The following MYOT variants were observed in gnomAD, a reference collection of about 807,000 sequenced individuals.
MYOT encodes 57 kDa cytoskeletal protein.
MYOT carries 36 observed loss-of-function variants against 58.0 expected under a neutral mutation model. That is an observed-to-expected ratio of 0.62 (90% CI 0.48 to 0.82). The LOEUF is 0.82. MYOT is among the 40% of genes least tolerant of loss of function. The pLI, the probability that MYOT is intolerant of heterozygous loss-of-function variation, is 0.00. For missense variants in MYOT, 505 were observed against 592.1 expected, an observed-to-expected ratio of 0.85 and a Z score of 1.53; for synonymous variants, 218 against 204.6, an observed-to-expected ratio of 1.07 and a Z score of -0.56.
At chr5:137,883,730 T>C in intron 7 of MYOT, 139 bp downstream of exon 7, 1 of 736,282 alleles carries the variant, frequency 1.4e-6, no homozygotes, top group South Asian at 1.7e-5. Context: ...TCCATTTTTA[T>C]CTACAAACCA....
intron 4 of MYOT, among the ~76,000 whole-genome samples, chr5:137,878,606 C>T (rs896025368): frequency 6.6e-6 from 1 of 151,990 alleles, no homozygotes; most frequent in Non-Finnish European, 1.5e-5. Context: ...GGGTGGATCA[C>T]GAGGTCAAGA....
intron 2 of MYOT, 108 bp downstream of exon 2, chr5:137,871,115 A>G: frequency 1.1e-6 from 1 of 941,852 alleles, no homozygotes; most frequent in Non-Finnish European, 1.7e-6. Flanking sequence ...ACTATCTAAA[A>G]AGGCAATGTG....
At chr5:137,883,343 T>G in intron 6 of MYOT, 41 bp from the exon 7 acceptor site, 1 of 1,515,502 alleles carries the variant, frequency 6.6e-7, no homozygotes, top group South Asian at 1.1e-5. Context: ...AGTGATGCAA[T>G]ACTTTAAAAT....
Position 137,873,218 on chromosome 5 carries a change from A to AT in MYOT, c.356+2216dup, listed in dbSNP as rs201172691. ...TGACTTATAAAGATGATAAGCTAGC[A>AT]TTTTTAAAAAAAAAAAAAACAGTAG... On this transcript the variant is annotated intron_variant, in intron 2 of 9. Transcript: ENST00000239926. Among the ~76,000 whole-genome samples, 160 of 136,270 alleles carry AT rather than the reference A, an allele frequency of 1.2e-3. 1 individual carries two copies. Among genetic ancestry groups the AT allele is most frequent in the South Asian group, 0.01 (36 of 3,582 alleles). 89.4% of individuals were successfully genotyped at this position (136,270 alleles called of 152,430 possible).
In MYOT at chr5:137,870,647, T is replaced by A; in HGVS notation, c.-5T>A. On this transcript the variant is annotated 5_prime_UTR_variant, in exon 2 of 10. Coordinates refer to ENST00000239926, the MANE Select transcript of MYOT (RefSeq NM_006790.3). ...TTGCCTTCATCTTCCATATACCAAC[T>A]AAGCATGTTTAACTACGAACGTCCA... The A allele has an allele frequency of 6.2e-7, 1 of 1,612,464 alleles. No homozygotes were observed. Among genetic ancestry groups the A allele is most frequent in the Non-Finnish European group, 8.5e-7 (1 of 1,178,498 alleles).
At chr5:137,883,285 A>G (rs2149987833) in intron 6 of MYOT, 99 bp from the exon 7 acceptor site, 1 of 1,006,046 alleles carries the variant, frequency 9.9e-7, no homozygotes, top group South Asian at 1.3e-5. Context: ...TCGCAAACCC[A>G]CTCAGATACG....
intron 6 of MYOT, 78 bp from the exon 7 acceptor site, chr5:137,883,306 A>T: frequency 8.1e-7 from 1 of 1,240,552 alleles, no homozygotes; most frequent in Non-Finnish European, 1.2e-6. Context: ...GGAACTGTTT[A>T]AATTCATATA....
At chr5:137,874,282 C>G (rs1755139072) in intron 2 of MYOT, among the ~76,000 whole-genome samples, 2 of 152,134 alleles carry the variant, frequency 1.3e-5, no homozygotes, top group Non-Finnish European at 2.9e-5. Context: ...GCCTGGCCAA[C>G]ATGGCAAAAC....
In MYOT at chr5:137,875,874, C is replaced by T. The variant is rs1483304644; in HGVS notation, c.402C>T (p.Ser134=). 2 of 1,613,892 alleles carry T rather than the reference C, an allele frequency of 1.2e-6. No homozygotes were observed. Among genetic ancestry groups the T allele is most frequent in the African/African-American group, 2.7e-5 (2 of 74,882 alleles). ...SAGQPINAKP[S]QTANAKPIPR... ...GCCAACCTATAAATGCAAAGCCATC[C>T]CAAACTGCAAATGCTAAGCCCATAC... Residue 134 remains serine (S), a synonymous_variant, in exon 3 of 10, where the codon TCC becomes TCT. Transcript: ENST00000239926.
intron 8 of MYOT, 145 bp downstream of exon 8, chr5:137,886,358 G>T: frequency 2.5e-6 from 1 of 399,448 alleles, no homozygotes; most frequent in Non-Finnish European, 4.2e-6. Flanking sequence ...ATATATATTA[G>T]ATAAAAATGT....
At position 137,875,951 on chromosome 5, in the gene MYOT, A is replaced by G; in HGVS notation, c.479A>G (p.Asp160Gly). 6.2e-7 allele frequency: 1 copy of G among 1,614,078 alleles called. No homozygotes were observed. The highest frequency in any genetic ancestry group is 1.1e-5 in the South Asian group (1 of 91,076). The change falls in exon 3 of 10, where the codon GAT becomes GGT. Residue 160 changes from aspartate (D) to glycine (G), a missense_variant. Coordinates refer to ENST00000239926, the MANE Select transcript of MYOT (RefSeq NM_006790.3). ...IQGSKEALIQ[D>G]LERKLKCKDT... ...GGATCAAAAGAAGCTTTGATTCAAGATTTGGAAAGAAAGCTGAAATGCAAG... is the reference window on the plus strand; with the variant it reads ...GGATCAAAAGAAGCTTTGATTCAAGGTTTGGAAAGAAAGCTGAAATGCAAG...
At chr5:137,869,683 A>G (rs1037617489) in intron 1 of MYOT, among the ~76,000 whole-genome samples, 12 of 152,178 alleles carry the variant, frequency 7.9e-5, no homozygotes, top group African/African-American at 2.7e-4. Context: ...GAAAAAAAAG[A>G]CCAAAAAACA....
At chr5:137,874,486 A>G (rs1434456576) in intron 2 of MYOT, among the ~76,000 whole-genome samples, 1 of 152,148 alleles carries the variant, frequency 6.6e-6, no homozygotes, top group African/African-American at 2.4e-5. Flanking sequence ...AATAAAAATT[A>G]AAAATAAAGA....
intron 6 of MYOT, 98 bp downstream of exon 6, chr5:137,882,203 C>A: frequency 7.5e-7 from 1 of 1,331,312 alleles, no homozygotes; most frequent in Non-Finnish European, 1.1e-6. Context: ...CAAAGCAGTA[C>A]GTACAATGGA....
At chr5:137,875,467 G>C (rs1209008293) in intron 2 of MYOT, among the ~76,000 whole-genome samples, 1 of 151,960 alleles carries the variant, frequency 6.6e-6, no homozygotes, top group Non-Finnish European at 1.5e-5. Context: ...TAACAAACAT[G>C]CACATGTACT....
chr5:137,878,520 C>A (rs1333504339), intron 4 of MYOT, among the ~76,000 whole-genome samples: 2 of 152,048 alleles, frequency 1.3e-5, no homozygotes, highest in Non-Finnish European at 2.9e-5. Flanking sequence ...AAACTTAACC[C>A]CAAAGAAAAA....
chr5:137,871,821 G>A (rs556033060), intron 2 of MYOT, among the ~76,000 whole-genome samples: 1 of 152,282 alleles, frequency 6.6e-6, no homozygotes, highest in Admixed American at 6.5e-5. Context: ...TTGTGCTTAT[G>A]CAAACTATTG....
intron 7 of MYOT, 98 bp from the exon 8 acceptor site, chr5:137,885,950 C>T (rs1755587133): frequency 8.8e-6 from 7 of 792,712 alleles, no homozygotes; most frequent in Non-Finnish European, 1.4e-5. Context: ...TGCTTTTTAA[C>T]ATTTTAATAT....
intron 7 of MYOT, among the ~76,000 whole-genome samples, chr5:137,885,657 A>G (rs903526414): frequency 6.6e-6 from 1 of 151,476 alleles, no homozygotes; most frequent in Non-Finnish European, 1.5e-5. Flanking sequence ...CTGTAATCCC[A>G]GCTACTCAGG....
Sources: allele counts gnomAD v4.1 joint callset (sites outside exome capture counted in the v4.1 genomes callset), GRCh38; gene constraint gnomAD v4.1.1; transcripts MANE v1.5; gene names NCBI Gene and HGNC (gene_info 2026-07-23, HGNC 2026-07-21).